The following ADGRA1 variants were observed in gnomAD, a reference collection of about 807,000 sequenced individuals.
ADGRA1 encodes the protein adhesion G protein-coupled receptor A1.
ADGRA1 carries 12 observed loss-of-function variants against 21.3 expected under a neutral mutation model. That is an observed-to-expected ratio of 0.56 (90% CI 0.36 to 0.91). The LOEUF (loss-of-function observed/expected upper bound fraction) is 0.91, where lower values mean the gene tolerates loss of function less well. ADGRA1 is among the 40% of genes least tolerant of loss of function. The pLI, the probability that ADGRA1 is intolerant of heterozygous loss-of-function variation, is 0.01. For synonymous variants in ADGRA1, 385 were observed against 368.8 expected (o/e 1.04, Z -0.50); for missense variants, 790 against 805.6 (o/e 0.98, Z 0.23).
At chr10:133,096,196 T>C (rs1851686017) in intron 2 of ADGRA1, among the ~76,000 whole-genome samples, 1 of 152,198 alleles carries the variant, frequency 6.6e-6, no homozygotes, top group African/African-American at 2.4e-5. Flanking sequence ...TGTGCACGCA[T>C]GTTTCTGGGC....
In ADGRA1 at chr10:133,127,230, C is replaced by A. The variant is rs1212582339; in HGVS notation, c.402-3C>A. The A allele has an allele frequency of 3.8e-6, 6 of 1,570,882 alleles. No individual in the cohort carries two copies. Among genetic ancestry groups the A allele is most frequent in the Non-Finnish European group, 5.2e-6 (6 of 1,160,842 alleles). On this transcript the variant is annotated splice_polypyrimidine_tract_variant and splice_region_variant and intron_variant, in intron 5 of 6. Coordinates refer to ENST00000392607, the MANE Select transcript of ADGRA1 (RefSeq NM_001083909.3). ...AGGGGGTCAACGCCTTCCTCCCCGG[C>A]AGGTTTTACCTCGTCAGCGGAGGGG...
At position 133,129,765 on chromosome 10, in the gene ADGRA1, C is replaced by T. The variant is rs527813930; in HGVS notation, c.*254C>T. On this transcript the variant is annotated 3_prime_UTR_variant, in exon 7 of 7. Coordinates refer to ENST00000392607, the MANE Select transcript of ADGRA1 (RefSeq NM_001083909.3). ...AACGCTCCGGGCCACGCCCACTCCC[C>T]TTATCCCAATTCCGCGTGCTGGTCC... The T allele has an allele frequency of 2.1e-5, 10 of 468,394 alleles. No homozygotes were observed. The highest frequency in any genetic ancestry group is 3.5e-5 in the Non-Finnish European group (9 of 255,930). The allele number at this position is 468,394 out of a possible 1,614,324, so 29.0% of individuals were successfully genotyped here.
chr10:133,117,353 C>T (rs1264640421), intron 5 of ADGRA1, among the ~76,000 whole-genome samples: 2 of 152,194 alleles, frequency 1.3e-5, no homozygotes, highest in Non-Finnish European at 2.9e-5. Context: ...AGTGAGTGCC[C>T]GGGGTGCCCA....
rs372006691 is a variant in ADGRA1 at position 133,112,996 on chromosome 10, A to G, written c.401+10154A>G. On this transcript the variant is annotated intron_variant, in intron 5 of 6. Transcript: ENST00000392607. ...GGGCCGCGTCAGTTATTTGGGGTCT[A>G]TAAGCTGTGTCAGTTATTTGGGGTC... Among the ~76,000 whole-genome samples the G allele has an allele frequency of 6.5e-3, 320 of 49,300 alleles. No homozygotes were observed. In the Middle Eastern group the frequency reaches 0.087, roughly 13 times the overall value. The allele number at this position is 49,300 out of a possible 152,430, so 32.3% of individuals were successfully genotyped here. A position where few individuals can be genotyped will look rare whatever the true frequency, so the allele number is the denominator to read the frequency against.
intron 5 of ADGRA1, among the ~76,000 whole-genome samples, chr10:133,105,069 A>G (rs1042440580): frequency 2.0e-5 from 3 of 152,170 alleles, no homozygotes; most frequent in Admixed American, 2.0e-4. Context: ...CCCCAGCCCC[A>G]TTCCCAGAAC....
chr10:133,119,774 C>G (rs1221467170), intron 5 of ADGRA1, among the ~76,000 whole-genome samples: 1 of 152,222 alleles, frequency 6.6e-6, no homozygotes, highest in Non-Finnish European at 1.5e-5. Context: ...CAACTAGCAG[C>G]AATATTTTGA....
chr10:133,089,197 G>A (rs992565095), intron 2 of ADGRA1: 10 of 492,788 alleles, frequency 2.0e-5, no homozygotes, highest in African/African-American at 1.6e-4. Flanking sequence ...CGTCCCTCCC[G>A]CAAAGCTGGC....
chr10:133,088,108 G>GCCGCC lies in ADGRA1; in HGVS notation c.-229_-225dup. ...CGTCTGTCTCCGGGAGCGCGGCCCG[G>GCCGCC]CCGCCCCGGCAGCCGCTTCGGCCAC... On this transcript the variant is annotated 5_prime_UTR_variant, in exon 1 of 7. It removes the in-frame stop codon of an upstream open reading frame in the 5' UTR. Coordinates refer to ENST00000392607, the MANE Select transcript of ADGRA1 (RefSeq NM_001083909.3). 1 of 985,106 alleles carries GCCGCC rather than the reference G, an allele frequency of 1.0e-6. No individual in the cohort carries two copies. The highest frequency in any genetic ancestry group is 1.2e-6 in the Non-Finnish European group (1 of 829,776). The allele number at this position is 985,106 out of a possible 1,614,324, so 61.0% of individuals were successfully genotyped here.
At chr10:133,126,890 T>G (rs1456754508) in intron 5 of ADGRA1, among the ~76,000 whole-genome samples, 4 of 152,128 alleles carry the variant, frequency 2.6e-5, no homozygotes, top group African/African-American at 9.7e-5. Flanking sequence ...CAGCTCCCTG[T>G]GTGACCCCAC....
intron 5 of ADGRA1, among the ~76,000 whole-genome samples, chr10:133,106,189 A>T (rs1385865127): frequency 2.0e-5 from 3 of 151,884 alleles, no homozygotes; most frequent in African/African-American, 7.3e-5. Flanking sequence ...CCAGGGCAAG[A>T]GCGGTAGGAC....
At chr10:133,104,041 C>T (rs904326024) in intron 5 of ADGRA1, among the ~76,000 whole-genome samples, 1 of 152,224 alleles carries the variant, frequency 6.6e-6, no homozygotes. Flanking sequence ...CCGGTGCTGG[C>T]GCACGGACAC....
intron 4 of ADGRA1, chr10:133,102,333 A>G (rs1489510732): frequency 3.9e-6 from 2 of 510,938 alleles, no homozygotes; most frequent in Non-Finnish European, 7.8e-6. Context: ...GTGGACACCT[A>G]TCCAGGTCTG....
At chr10:133,103,545 G>C (rs1421754307) in intron 5 of ADGRA1, among the ~76,000 whole-genome samples, 5 of 152,230 alleles carry the variant, frequency 3.3e-5, no homozygotes, top group Non-Finnish European at 7.3e-5. Flanking sequence ...GGAATGCACC[G>C]TGGCCTTTGT....
Position 133,088,931 on chromosome 10 carries a change from G to C in ADGRA1, c.3+19G>C, listed in dbSNP as rs568020482. On this transcript the variant is annotated intron_variant, in intron 2 of 6. Transcript: ENST00000392607. ...GCTCATGGTGAGTACGGGGGTCCCG[G>C]GGGTCCTGCAGCTGGGGGCTAGGCC... 1.8e-4 allele frequency: 224 copies of C among 1,241,850 alleles called. 2 individuals carry two copies. The highest frequency in any genetic ancestry group is 1.4e-3 in the South Asian group (34 of 24,854). The allele number at this position is 1,241,850 out of a possible 1,614,324, so 76.9% of individuals were successfully genotyped here.
At position 133,123,606 on chromosome 10, in the gene ADGRA1, C is replaced by T. The variant is rs148247254; in HGVS notation, c.402-3627C>T. 1.5e-4 allele frequency among the ~76,000 whole-genome samples: 23 copies of T among 152,306 alleles called. No individual in the cohort carries two copies. The East Asian group carries it at 4.4e-3, about 29-fold the overall frequency. The stretch of plus-strand genomic sequence containing the variant: ...GTGGCTGCTGTGGCCACGGTGAAAG[C>T]TCAGTGGCCTAAAGCAACTCAGGGG... On this transcript the variant is annotated intron_variant, in intron 5 of 6. Coordinates refer to ENST00000392607, the MANE Select transcript of ADGRA1 (RefSeq NM_001083909.3).
At chr10:133,107,037 G>A (rs1377523451) in intron 5 of ADGRA1, among the ~76,000 whole-genome samples, 2 of 152,230 alleles carry the variant, frequency 1.3e-5, no homozygotes, top group Non-Finnish European at 2.9e-5. Flanking sequence ...GCTGTCTCCA[G>A]TGTACACATC....
chr10:133,110,967 G>A (rs140161734), intron 5 of ADGRA1, among the ~76,000 whole-genome samples: 86 of 152,266 alleles, frequency 5.6e-4, no homozygotes, highest in African/African-American at 1.6e-3. Context: ...ACAGCCCACT[G>A]AAGGGTTGTT....
intron 2 of ADGRA1, among the ~76,000 whole-genome samples, chr10:133,095,442 G>A (rs935444502): frequency 4.6e-5 from 7 of 152,204 alleles, no homozygotes; most frequent in East Asian, 1.9e-4. Context: ...AACACTCCCC[G>A]GAAAGCAAAG....
intron 5 of ADGRA1, among the ~76,000 whole-genome samples, chr10:133,123,714 TCC>T (rs3058111): frequency 0.45 from 65,824 of 144,832 alleles, 14,682 homozygotes; most frequent in Non-Finnish European, 0.48. Flanking sequence ...ACTGCCTCCC[TCC>T]CCCCCCCCGG....
Sources: gnomAD v4.1 joint callset for allele counts (sites outside exome capture counted in the v4.1 genomes callset) on GRCh38, gnomAD v4.1.1 for gene constraint, MANE v1.5 for transcripts, NCBI Gene and HGNC (gene_info 2026-07-23, HGNC 2026-07-21) for gene names.